AGXT2: variants seen among roughly 807,000 people sequenced by gnomAD.
The protein encoded by AGXT2 is alanine--glyoxylate aminotransferase 2, mitochondrial.
In AGXT2, 61 loss-of-function variants were observed where a neutral mutation model predicts 62.5. That is an observed-to-expected ratio of 0.98 (90% CI 0.79 to 1.21). The LOEUF is 1.21. AGXT2 is among the 50% of genes most tolerant of loss of function. The pLI is 0.00. For missense variants in AGXT2, 666 were observed against 641.5 expected, an observed-to-expected ratio of 1.04 and a Z score of -0.41; for synonymous variants, 243 against 218.7, an observed-to-expected ratio of 1.11 and a Z score of -0.98.
chr5:35,007,371 A>G (rs867497918), intron 12 of AGXT2, among the ~76,000 whole-genome samples: 49 of 152,242 alleles, frequency 3.2e-4, no homozygotes, highest in African/African-American at 1.1e-3. Flanking sequence ...AGTGGAAAAG[A>G]TCTTTTCAAA....
intron 7 of AGXT2, chr5:35,027,102 G>T: frequency 4.0e-6 from 3 of 748,138 alleles, no homozygotes; most frequent in Non-Finnish European, 4.9e-6. Context: ...GACTTTCTCC[G>T]ATTAATCAGG....
At chr5:35,030,109 C>A (rs897516783) in intron 7 of AGXT2, among the ~76,000 whole-genome samples, 27 of 152,148 alleles carry the variant, frequency 1.8e-4, no homozygotes, top group Admixed American at 1.8e-3. Flanking sequence ...AAGACCAAAC[C>A]CTTCCCAGGT....
At chr5:35,022,167 G>A (rs528687698) in intron 9 of AGXT2, among the ~76,000 whole-genome samples, 109 of 152,280 alleles carry the variant, frequency 7.2e-4, no homozygotes, top group African/African-American at 2.5e-3. Flanking sequence ...TCAGTGTGGT[G>A]ATTCCTCAGG....
At chr5:35,026,833 G>T (rs748083436) in intron 7 of AGXT2, 55 of 984,712 alleles carry the variant, frequency 5.6e-5, no homozygotes, top group Middle Eastern at 5.2e-4. Context: ...TTCACCTAAG[G>T]ATGCCCGTCC....
chr5:35,047,786 C>G lies in AGXT2; in HGVS notation c.88+19G>C, dbSNP rs545869130. 3 of 1,613,700 alleles carry G rather than the reference C, an allele frequency of 1.9e-6. No individual in the cohort carries two copies. The highest frequency in any genetic ancestry group is 1.3e-5 in the African/African-American group (1 of 75,014). ...TCGCTGATCCTCTACTGACCCACGT[C>G]CCCCTGGTTTCCACTTACGGCTCAG... is the stretch of plus-strand genomic sequence containing the variant. On this transcript the variant is annotated intron_variant, in intron 1 of 13. Coordinates refer to ENST00000231420, the MANE Select transcript of AGXT2 (RefSeq NM_031900.4).
chr5:35,031,351 C>T (rs985590977), intron 7 of AGXT2, among the ~76,000 whole-genome samples: 25 of 152,336 alleles, frequency 1.6e-4, no homozygotes, highest in Non-Finnish European at 3.2e-4. Context: ...CTTACTCTTT[C>T]ATTCTCTTAC....
At chr5:35,032,589 G>T in intron 7 of AGXT2, 143 bp downstream of exon 7, 1 of 744,228 alleles carries the variant, frequency 1.3e-6, no homozygotes, top group Non-Finnish European at 2.4e-6. Context: ...GGAATAACTT[G>T]GTTACTTTCC....
At chr5:35,019,769 T>G (rs1438416226) in intron 9 of AGXT2, among the ~76,000 whole-genome samples, 1 of 152,032 alleles carries the variant, frequency 6.6e-6, no homozygotes, top group Non-Finnish European at 1.5e-5. Context: ...CTTCAAAAAA[T>G]TAATGAATCC....
At chr5:35,015,927 G>A (rs1292291284) in intron 9 of AGXT2, among the ~76,000 whole-genome samples, 1 of 151,642 alleles carries the variant, frequency 6.6e-6, no homozygotes, top group African/African-American at 2.4e-5. Context: ...GATTCCAGGG[G>A]TTAGAATTAG....
chr5:35,040,612 C>G lies in AGXT2; in HGVS notation c.140G>C (p.Arg47Thr), dbSNP rs1198184086. The G allele has an allele frequency of 1.2e-6, 2 of 1,613,954 alleles. No individual in the cohort carries two copies. Among genetic ancestry groups the G allele is most frequent in the Admixed American group, 1.7e-5 (1 of 60,024 alleles). Reference protein sequence around the residue: ...VTKLSLHTKPRMPPCDFMPER... With the variant: ...VTKLSLHTKPTMPPCDFMPER... ...AGGCATGAAGTCACATGGAGGCATT[C>G]TGGGCTTTGTATGAAGACTGAGCTT... The change falls in exon 2 of 14, where the codon AGA becomes ACA. Residue 47 changes from arginine to threonine, a missense_variant. By Grantham distance (71) the Arg-to-Thr change is moderately conservative. Transcript: ENST00000231420.
At chr5:35,023,178 AAAAAAG>A (rs1446234898) in intron 9 of AGXT2, among the ~76,000 whole-genome samples, 18 of 8,634 alleles carry the variant, frequency 2.1e-3, no homozygotes, top group African/African-American at 2.2e-3. Context: ...AAAAAAAAAG[AAAAAAG>A]AAAAAAGAAA....
At chr5:34,998,995 C>G (rs1389321162) in intron 13 of AGXT2, among the ~76,000 whole-genome samples, 169 bp from the exon 14 acceptor site, 2 of 152,216 alleles carry the variant, frequency 1.3e-5, no homozygotes, top group East Asian at 1.9e-4. Flanking sequence ...CATTCACCCT[C>G]CAGTCTCCAT....
chr5:35,018,261 C>A (rs1287677594), intron 9 of AGXT2, among the ~76,000 whole-genome samples: 1 of 152,060 alleles, frequency 6.6e-6, no homozygotes, highest in Non-Finnish European at 1.5e-5. Flanking sequence ...AACTCCAAGA[C>A]ACACAATTGT....
chr5:35,022,497 C>G (rs181569811), intron 9 of AGXT2, among the ~76,000 whole-genome samples: 1,512 of 146,560 alleles, frequency 0.01, 16 homozygotes, highest in Non-Finnish European at 0.015. Context: ...ACCGCATATT[C>G]TCACTCATAG....
intron 12 of AGXT2, among the ~76,000 whole-genome samples, chr5:35,008,367 T>C (rs1373416921): frequency 6.6e-6 from 1 of 152,074 alleles, no homozygotes. Flanking sequence ...CACACAGAGG[T>C]TGGGTTCAGA....
chr5:35,003,816 C>T lies in AGXT2; in HGVS notation c.1384G>A (p.Glu462Lys). Reference sequence around the variant, plus strand: ...AGGAGTCCCATGTGCTTGCAGTCCTCATGGATCTGATTTACTTCTTCACGG... The same window carrying T: ...AGGAGTCCCATGTGCTTGCAGTCCTTATGGATCTGATTTACTTCTTCACGG... ...LPREEVNQIH[E>K]DCKHMGLLVG... is the part of the protein sequence containing the mutation. The change falls in exon 13 of 14, where the codon GAG (glutamate) becomes AAG (lysine). Residue 462 changes from glutamate (E) to lysine (K), a missense_variant. By Grantham distance (56) the Glu-to-Lys change is moderately conservative. Transcript: ENST00000231420. 6.2e-7 allele frequency: 1 copy of T among 1,614,188 alleles called. No individual in the cohort carries two copies. The highest frequency in any genetic ancestry group is 1.3e-5 in the African/African-American group (1 of 75,046).
intron 12 of AGXT2, among the ~76,000 whole-genome samples, chr5:35,008,735 A>T (rs1766519055): frequency 6.6e-6 from 1 of 152,234 alleles, no homozygotes; most frequent in Non-Finnish European, 1.5e-5. Flanking sequence ...TGAATTGAAG[A>T]GTCTTATACC....
intron 13 of AGXT2, among the ~76,000 whole-genome samples, chr5:35,000,517 ATTACAG>A (rs749007637): frequency 6.6e-6 from 1 of 152,096 alleles, no homozygotes; most frequent in Non-Finnish European, 1.5e-5. Flanking sequence ...AGTAGCAGGG[ATTACAG>A]GTGTGTGCCA....
In AGXT2 at chr5:35,037,000, T is replaced by TGGA. The variant is rs1249092303; in HGVS notation, c.425_427dup (p.Phe142_His143insLeu). 10 of 1,613,958 alleles carry TGGA rather than the reference T, an allele frequency of 6.2e-6. No individual in the cohort carries two copies. Among genetic ancestry groups the TGGA allele is most frequent in the Non-Finnish European group, 8.5e-6 (10 of 1,180,014 alleles). Reference sequence around the variant, plus strand: ...CTCTGCATATTCATGCATTGGAGGGTGGAAGAAGACGGTGCTTGTATGCCA... The same window carrying TGGA: ...CTCTGCATATTCATGCATTGGAGGGTGGAGGAAGAAGACGGTGCTTGTATGCCA... On this transcript the variant is annotated inframe_insertion, in exon 4 of 14. Coordinates refer to ENST00000231420, the MANE Select transcript of AGXT2 (RefSeq NM_031900.4).
Sources: gnomAD v4.1 joint callset for allele counts (sites outside exome capture counted in the v4.1 genomes callset) on GRCh38, gnomAD v4.1.1 for gene constraint, MANE v1.5 for transcripts, NCBI Gene and HGNC (gene_info 2026-07-23, HGNC 2026-07-21) for gene names.